The following ZNF236 variants were observed in gnomAD, a reference collection of about 807,000 sequenced individuals.
ZNF236 encodes regulated by glucose.
In ZNF236, 50 loss-of-function variants were observed where a neutral mutation model predicts 191.2. That is an observed-to-expected ratio of 0.26 (90% CI 0.21 to 0.33). ZNF236 has a LOEUF of 0.33. Among genes scored for constraint, ZNF236 ranks in the 10% least tolerant of loss-of-function variants. ZNF236 has a pLI of 1.00. For synonymous variants in ZNF236, 907 were observed against 928.8 expected (o/e 0.98, Z 0.43); for missense variants, 1,754 against 2,374.5 (o/e 0.74, Z 5.43).
At chr18:76,857,571 G>A (rs901964965) in intron 3 of ZNF236, among the ~76,000 whole-genome samples, 1 of 152,082 alleles carries the variant, frequency 6.6e-6, no homozygotes, top group Middle Eastern at 3.2e-3. Context: ...TAGAAGGCTC[G>A]GGGTTTAGTT....
Position 76,919,809 on chromosome 18 carries a change from A to G in ZNF236, c.3308A>G (p.Asp1103Gly), listed in dbSNP as rs1343328601. 2 of 1,614,206 alleles carry G rather than the reference A, an allele frequency of 1.2e-6. No individual in the cohort carries two copies. The highest frequency in any genetic ancestry group is 1.3e-5 in the African/African-American group (1 of 75,060). The stretch of plus-strand genomic sequence containing the variant: ...ATGGAGGAAGAGGAAGAACATTCTG[A>G]CAGAAATGCATCACGGAAGTCTCGT... ...ICMEEEEEHS[D>G]RNASRKSRPE... The change falls in exon 20 of 31, where the codon GAC becomes GGC. Residue 1103 changes from aspartate to glycine, a missense_variant. Physicochemically the swap from Asp to Gly is moderately conservative, Grantham distance 94. This residue lies in a region of ZNF236 where 641 missense variants were observed against 869.6 expected (regional missense o/e 0.74). Transcript: ENST00000320610. This position sits in a 1 kb window ranked among gnomAD's most constrained non-coding sequence, Gnocchi z 5.3.
chr18:76,947,467 A>G, intron 26 of ZNF236, 54 bp from the exon 27 acceptor site: 2 of 1,580,824 alleles, frequency 1.3e-6, no homozygotes, highest in Non-Finnish European at 1.7e-6. Flanking sequence ...CTTTTAAATT[A>G]TTGCTTGTTT....
intron 3 of ZNF236, among the ~76,000 whole-genome samples, chr18:76,856,106 C>T (rs2122538796): frequency 6.6e-6 from 1 of 151,736 alleles, no homozygotes; most frequent in Non-Finnish European, 1.5e-5. Flanking sequence ...CAGGTCTCAC[C>T]ATGTTGCCCA....
In ZNF236 at chr18:76,881,416, C is replaced by A; in HGVS notation, c.1321C>A (p.Pro441Thr). 6.2e-7 allele frequency: 1 copy of A among 1,613,830 alleles called. No individual in the cohort carries two copies. The highest frequency in any genetic ancestry group is 8.5e-7 in the Non-Finnish European group (1 of 1,179,982). The change falls in exon 9 of 31, where the codon CCC becomes ACC. Residue 441 changes from proline to threonine, a missense_variant. By Grantham distance (38) the Pro-to-Thr change is conservative (BLOSUM62 -1). Coordinates refer to ENST00000320610, the MANE Select transcript of ZNF236 (RefSeq NM_001306089.2). ...CAGCGTTTCAAATGAGCAGACGGAC[C>A]CCACAGACGCAGAGCAAGAAAAAGA... ...VSSVSNEQTD[P>T]TDAEQEKEQE...
intron 9 of ZNF236, chr18:76,888,375 A>C (rs1029026813): frequency 6.5e-6 from 1 of 152,714 alleles, no homozygotes; most frequent in Non-Finnish European, 1.5e-5. Context: ...AAACCAAACA[A>C]ACAAACACTT....
rs576326566 is a variant in ZNF236, at chr18:76,884,776, C to G, written c.1417+3264C>G. Among the ~76,000 whole-genome samples the G allele has an allele frequency of 3.9e-5, 6 of 152,284 alleles. No individual in the cohort carries two copies. In the East Asian group the frequency reaches 1.2e-3, roughly 29 times the overall value. ...TGCAAGTGTGCTTTTTAAACATTCACTGTAACAAACCTCCCACGTTCTTCT... is the reference window on the plus strand; with the variant it reads ...TGCAAGTGTGCTTTTTAAACATTCAGTGTAACAAACCTCCCACGTTCTTCT... On this transcript the variant is annotated intron_variant, in intron 9 of 30. Transcript: ENST00000320610.
chr18:76,939,219 G>A (rs1262607048), intron 26 of ZNF236, among the ~76,000 whole-genome samples: 2 of 152,088 alleles, frequency 1.3e-5, no homozygotes, highest in Admixed American at 1.3e-4. Context: ...TGTGATTCCA[G>A]CTACTTGGGA....
At chr18:76,956,319 T>C in intron 28 of ZNF236, 137 bp downstream of exon 28, 1 of 975,298 alleles carries the variant, frequency 1.0e-6, no homozygotes, top group Admixed American at 2.2e-5. Context: ...GGTCACTAGA[T>C]GTAGATGTAT....
chr18:76,910,569 T>G, intron 15 of ZNF236, 91 bp from the exon 16 acceptor site: 1 of 1,278,036 alleles, frequency 7.8e-7, no homozygotes, highest in Non-Finnish European at 1.1e-6. Context: ...AAATGCCCCT[T>G]TAGACATTTT....
intron 3 of ZNF236, among the ~76,000 whole-genome samples, chr18:76,861,358 T>C (rs1976216701): frequency 6.6e-6 from 1 of 152,198 alleles, no homozygotes; most frequent in African/African-American, 2.4e-5. Flanking sequence ...GGTGCACTGC[T>C]TCTCTTTAAA....
rs567079730 is a variant in ZNF236, at chr18:76,839,534, G to A, written c.56-9992G>A. On this transcript the variant is annotated intron_variant, in intron 1 of 30. Coordinates refer to ENST00000320610, the MANE Select transcript of ZNF236 (RefSeq NM_001306089.2). ...CAGAAATCATTATCTTTATCTTTGGGTGAAGAATCAGGCTGAGAGAGTTTA... is the reference window on the plus strand; with the variant it reads ...CAGAAATCATTATCTTTATCTTTGGATGAAGAATCAGGCTGAGAGAGTTTA... Among the ~76,000 whole-genome samples, 3 of 152,266 alleles carry A rather than the reference G, an allele frequency of 2.0e-5. No individual in the cohort carries two copies. The East Asian group carries it at 5.8e-4, about 29-fold the overall frequency.
intron 26 of ZNF236, among the ~76,000 whole-genome samples, chr18:76,940,803 G>A (rs1285208588): frequency 6.6e-6 from 1 of 152,188 alleles, no homozygotes; most frequent in East Asian, 1.9e-4. Flanking sequence ...CAACTCCCAG[G>A]TTGTGGACTG....
chr18:76,909,578 A>G (rs1967160884), intron 14 of ZNF236, among the ~76,000 whole-genome samples: 1 of 152,220 alleles, frequency 6.6e-6, no homozygotes. Context: ...GTTTGGCTAC[A>G]AAACACAATG....
At chr18:76,879,190 C>A (rs1976802421) in intron 7 of ZNF236, among the ~76,000 whole-genome samples, 1 of 152,006 alleles carries the variant, frequency 6.6e-6, no homozygotes, top group African/African-American at 2.4e-5. Flanking sequence ...GAAAAATAGT[C>A]CAGATCATTT....
rs1370614626 is a variant in ZNF236, at chr18:76,863,933, G to C, written c.364-4752G>C. Among the ~76,000 whole-genome samples, 5 of 152,198 alleles carry C rather than the reference G, an allele frequency of 3.3e-5. No homozygotes were observed. The East Asian group carries it at 9.6e-4, about 29-fold the overall frequency. On this transcript the variant is annotated intron_variant, in intron 3 of 30. Coordinates refer to ENST00000320610, the MANE Select transcript of ZNF236 (RefSeq NM_001306089.2). ...GTGGTGGTTAATTTTCTGTGTGAACGTGGAGAGTGTTTTTGGATGAGATTA... is the reference window on the plus strand; with the variant it reads ...GTGGTGGTTAATTTTCTGTGTGAACCTGGAGAGTGTTTTTGGATGAGATTA...
intron 1 of ZNF236, among the ~76,000 whole-genome samples, chr18:76,827,282 T>C (rs1394084088): frequency 1.3e-5 from 2 of 152,008 alleles, no homozygotes; most frequent in African/African-American, 4.8e-5. Context: ...GCCTCCTGGG[T>C]TCAAGTGATT....
intron 1 of ZNF236, among the ~76,000 whole-genome samples, chr18:76,828,208 C>G (rs1351802296): frequency 2.0e-5 from 3 of 151,970 alleles, no homozygotes; most frequent in African/African-American, 7.2e-5. Flanking sequence ...GTTCTCTCAC[C>G]CAGGCTGGAG....
chr18:76,950,519 A>G (rs1968378352), intron 27 of ZNF236, among the ~76,000 whole-genome samples: 1 of 152,060 alleles, frequency 6.6e-6, no homozygotes, highest in South Asian at 2.1e-4. Context: ...TGAGATCCTT[A>G]TCTGCTGAGT....
In ZNF236 at chr18:76,897,402, C is replaced by T. The variant is rs141239977; in HGVS notation, c.1691-1617C>T. 1.4e-3 allele frequency among the ~76,000 whole-genome samples: 212 copies of T among 151,334 alleles called. 1 individual carries two copies. The highest frequency in any genetic ancestry group is 0.012 in the Admixed American group (186 of 15,236). Reference sequence around the variant, plus strand: ...ATAGAGTACCAAACACAGTACTGCGCTCAGGTACTGCATACAGTACTAAAC... The same window carrying T: ...ATAGAGTACCAAACACAGTACTGCGTTCAGGTACTGCATACAGTACTAAAC... On this transcript the variant is annotated intron_variant, in intron 10 of 30. Coordinates refer to ENST00000320610, the MANE Select transcript of ZNF236 (RefSeq NM_001306089.2).
Sources: allele counts gnomAD v4.1 joint callset (sites outside exome capture counted in the v4.1 genomes callset), GRCh38; gene constraint gnomAD v4.1.1; regional missense constraint gnomAD v4.1.1; non-coding constraint Gnocchi (gnomAD v3.1); transcripts MANE v1.5; gene names NCBI Gene and HGNC (gene_info 2026-07-23, HGNC 2026-07-21).